The following ABCA13 variants were observed in gnomAD, a reference collection of about 807,000 sequenced individuals.
ABCA13 encodes the protein ATP binding cassette subfamily A member 13, also known as ATP-binding cassette sub-family A member 13.
ABCA13 carries 476 observed loss-of-function variants against 478.7 expected under a neutral mutation model. That is an observed-to-expected ratio of 0.99 (90% CI 0.92 to 1.07). The LOEUF is 1.07. Ranked by LOEUF, ABCA13 falls within the 50% of genes least tolerant of loss-of-function variation. The probability of loss-of-function intolerance (pLI) is 0.00; values close to 1 mark genes in which losing one functional copy is unlikely to be tolerated. For synonymous variants in ABCA13, 2,252 were observed against 2,158.9 expected (o/e 1.04, Z -1.20); for missense variants, 6,060 against 5,910.6 (o/e 1.03, Z -0.83).
rs530696812 is a variant in ABCA13 at position 48,546,374 on chromosome 7, A to G, written c.14354+18029A>G. 2.6e-5 allele frequency among the ~76,000 whole-genome samples: 4 copies of G among 151,988 alleles called. 1 individual carries two copies. The highest frequency in any genetic ancestry group is 9.6e-5 in the African/African-American group (4 of 41,566). ...ACCAACTTCTTGACAGCAAGAATAT[A>G]AACAGAATCCAGTAAAATGAAAGAA... On this transcript the variant is annotated intron_variant, in intron 55 of 61. Transcript: ENST00000435803.
At chr7:48,605,421 C>G (rs962706539) in intron 58 of ABCA13, among the ~76,000 whole-genome samples, 6 of 152,162 alleles carry the variant, frequency 3.9e-5, no homozygotes, top group Non-Finnish European at 7.3e-5. Flanking sequence ...TAAGGCAGCC[C>G]TGGTGGTGAC....
chr7:48,395,093 C>G (rs1386438767), intron 38 of ABCA13, among the ~76,000 whole-genome samples: 3 of 152,204 alleles, frequency 2.0e-5, no homozygotes, highest in African/African-American at 7.2e-5. Context: ...CAGGCCTGTG[C>G]ACAGGCACAT....
intron 58 of ABCA13, among the ~76,000 whole-genome samples, chr7:48,599,387 A>T (rs1289417918): frequency 1.3e-5 from 2 of 151,972 alleles, no homozygotes; most frequent in East Asian, 3.9e-4. Flanking sequence ...TTTTTATAAA[A>T]CACCATATTT....
intron 42 of ABCA13, among the ~76,000 whole-genome samples, chr7:48,432,272 A>G (rs1483047984): frequency 2.0e-5 from 3 of 152,196 alleles, no homozygotes; most frequent in African/African-American, 4.8e-5. Flanking sequence ...ACAATGAGAT[A>G]TAACCTTATA....
At chr7:48,593,224 T>C (rs1184719008) in intron 57 of ABCA13, among the ~76,000 whole-genome samples, 3 of 150,904 alleles carry the variant, frequency 2.0e-5, no homozygotes, top group African/African-American at 7.3e-5. Flanking sequence ...CTTTGATTCA[T>C]TTCTGTTTTT....
At chr7:48,313,763 C>A (rs762359001) in intron 25 of ABCA13, among the ~76,000 whole-genome samples, 1 of 152,012 alleles carries the variant, frequency 6.6e-6, no homozygotes, top group East Asian at 1.9e-4. Context: ...TAGGGTTGGA[C>A]GTGTAGGATG....
intron 1 of ABCA13, among the ~76,000 whole-genome samples, chr7:48,176,042 C>G (rs1794827491): frequency 6.6e-6 from 1 of 152,134 alleles, no homozygotes; most frequent in Non-Finnish European, 1.5e-5. Flanking sequence ...TGGTACACTT[C>G]CCCTAATCTA....
At chr7:48,486,468 G>T (rs561867966) in intron 47 of ABCA13, among the ~76,000 whole-genome samples, 1 of 152,044 alleles carries the variant, frequency 6.6e-6, no homozygotes, top group South Asian at 2.1e-4. Flanking sequence ...ATAGCAGTTT[G>T]TTTTTTATTA....
At chr7:48,545,379 C>T (rs1307941386) in intron 55 of ABCA13, among the ~76,000 whole-genome samples, 4 of 151,480 alleles carry the variant, frequency 2.6e-5, no homozygotes, top group Non-Finnish European at 5.9e-5. Flanking sequence ...GAGCTTATAC[C>T]CTAGAACTGA....
intron 42 of ABCA13, among the ~76,000 whole-genome samples, chr7:48,443,818 A>T (rs564707796): frequency 6.6e-6 from 1 of 152,154 alleles, no homozygotes; most frequent in Non-Finnish European, 1.5e-5. Context: ...AAAGAAAATA[A>T]GAGTGAATAA....
At chr7:48,376,607 A>C (rs1813524287) in intron 35 of ABCA13, 35 bp downstream of exon 35, 2 of 1,602,930 alleles carry the variant, frequency 1.2e-6, no homozygotes, top group African/African-American at 1.3e-5. Flanking sequence ...TAACACAATA[A>C]ATTTTAAAAA....
At chr7:48,445,447 C>T (rs904355100) in intron 42 of ABCA13, among the ~76,000 whole-genome samples, 8 of 152,344 alleles carry the variant, frequency 5.3e-5, no homozygotes, top group African/African-American at 1.9e-4. Flanking sequence ...TGCACCTTGT[C>T]TATGCCAGTT....
intron 59 of ABCA13, among the ~76,000 whole-genome samples, chr7:48,617,569 G>C (rs116746927): frequency 6.6e-6 from 1 of 152,134 alleles, no homozygotes; most frequent in African/African-American, 2.4e-5. Context: ...ACAGAGGGGG[G>C]ACCCAGAGGG....
chr7:48,273,299 T>C lies in ABCA13; in HGVS notation c.3633T>C (p.Asn1211=), dbSNP rs1427234318. The C allele has an allele frequency of 6.2e-7, 1 of 1,613,648 alleles. No homozygotes were observed. The highest frequency in any genetic ancestry group is 8.5e-7 in the Non-Finnish European group (1 of 1,179,758). ...ATAATGTTGCTAGACTCATATTAAATTTGTTTAAAAATGTAACTCAAGCCA... is the reference window on the plus strand; with the variant it reads ...ATAATGTTGCTAGACTCATATTAAACTTGTTTAAAAATGTAACTCAAGCCA... The part of the protein sequence containing the change: ...PTHNVARLIL[N]LFKNVTQAND... Residue 1211 remains asparagine (N), a synonymous_variant, in exon 17 of 62, where the codon AAT becomes AAC. Coordinates refer to ENST00000435803, the MANE Select transcript of ABCA13 (RefSeq NM_152701.5).
chr7:48,520,026 T>G lies in ABCA13; in HGVS notation c.13798-15T>G. The G allele has an allele frequency of 3.8e-6, 6 of 1,581,730 alleles. No individual in the cohort carries two copies. Among genetic ancestry groups the G allele is most frequent in the Non-Finnish European group, 5.2e-6 (6 of 1,163,872 alleles). On this transcript the variant is annotated splice_polypyrimidine_tract_variant and intron_variant, in intron 52 of 61. Transcript: ENST00000435803. ...AGCTTTTAATTGGATTTTTTTTCTT[T>G]TTTTCACTGTGCAGAATTTACAGAA...
At chr7:48,615,984 G>A (rs1016359986) in intron 59 of ABCA13, among the ~76,000 whole-genome samples, 6 of 151,596 alleles carry the variant, frequency 4.0e-5, no homozygotes, top group African/African-American at 1.5e-4. Context: ...TTATCAATTT[G>A]TGTGAGCATT....
At chr7:48,527,980 A>G (rs983381977) in intron 54 of ABCA13, among the ~76,000 whole-genome samples, 17 of 152,192 alleles carry the variant, frequency 1.1e-4, no homozygotes, top group African/African-American at 3.6e-4. Flanking sequence ...ACATGAATTT[A>G]TTGTCTGTAA....
rs529397225 is a variant in ABCA13, at chr7:48,420,174, G to C, written c.12459+7591G>C. On this transcript the variant is annotated intron_variant, in intron 41 of 61. Transcript: ENST00000435803. Reference sequence around the variant, plus strand: ...GGAGGACCTGCCAATTAACTCTCCAGTTGAGCTCTTCAGCTAAAAAGCATA... The same window carrying C: ...GGAGGACCTGCCAATTAACTCTCCACTTGAGCTCTTCAGCTAAAAAGCATA... 3.3e-5 allele frequency among the ~76,000 whole-genome samples: 5 copies of C among 152,282 alleles called. 1 individual carries two copies. The East Asian group carries it at 7.7e-4, about 24-fold the overall frequency.
At chr7:48,192,859 G>A (rs1797282660) in intron 1 of ABCA13, 100 bp from the exon 2 acceptor site, 2 of 891,432 alleles carry the variant, frequency 2.2e-6, no homozygotes, top group African/African-American at 1.7e-5. Flanking sequence ...ACTGTTCTGA[G>A]ACACACAGCA....
Sources: gnomAD v4.1 joint callset for allele counts (sites outside exome capture counted in the v4.1 genomes callset) on GRCh38, gnomAD v4.1.1 for gene constraint, MANE v1.5 for transcripts, NCBI Gene and HGNC (gene_info 2026-07-23, HGNC 2026-07-21) for gene names.